The following AUTS2 variants were observed in gnomAD, a reference collection of about 807,000 sequenced individuals.
AUTS2 encodes the protein activator of transcription and developmental regulator AUTS2, also known as autism susceptibility gene 2 protein.
Under a neutral mutation model 112.4 loss-of-function variants are expected in AUTS2, and 17 were observed. That is an observed-to-expected ratio of 0.15 (90% CI 0.10 to 0.23). AUTS2 has a LOEUF of 0.23. Among genes scored for constraint, AUTS2 ranks in the 10% least tolerant of loss-of-function variants. The pLI, the probability that AUTS2 is intolerant of heterozygous loss-of-function variation, is 1.00. For synonymous variants in AUTS2, 751 were observed against 702.7 expected, an observed-to-expected ratio of 1.07 and a Z score of -1.09; for missense variants, 1,510 against 1,701.6, an observed-to-expected ratio of 0.89 and a Z score of 1.98.
Position 70,591,861 on chromosome 7 carries a change from G to A in AUTS2, c.691-106708G>A, listed in dbSNP as rs574085433. ...CCCATTCCTCAATTTGGCTGGTACTGCAGTTGGCACGGCTCTCCAAACTCT... is the reference window on the plus strand; with the variant it reads ...CCCATTCCTCAATTTGGCTGGTACTACAGTTGGCACGGCTCTCCAAACTCT... On this transcript the variant is annotated intron_variant, in intron 5 of 18. Transcript: ENST00000342771. 1.4e-4 allele frequency among the ~76,000 whole-genome samples: 21 copies of A among 152,316 alleles called. No individual in the cohort carries two copies. In the South Asian group the frequency reaches 4.1e-3, roughly 30 times the overall value.
chr7:70,785,857 G>C, intron 16 of AUTS2, 98 bp from the exon 17 acceptor site: 1 of 1,124,384 alleles, frequency 8.9e-7, no homozygotes, highest in Non-Finnish European at 1.3e-6. Context: ...GGGGCGTAGA[G>C]AGGGCAGGGA....
intron 5 of AUTS2, among the ~76,000 whole-genome samples, chr7:70,496,130 A>G (rs1312624497): frequency 9.5e-4 from 104 of 109,060 alleles, no homozygotes; most frequent in South Asian, 2.1e-3. Context: ...TCACATCAGC[A>G]TCGATCACAC....
intron 5 of AUTS2, among the ~76,000 whole-genome samples, chr7:70,488,030 G>A (rs566880959): frequency 2.2e-4 from 33 of 152,310 alleles, no homozygotes; most frequent in East Asian, 7.7e-4. Flanking sequence ...TGCTCAGAAC[G>A]GAGCCGAGTC....
At chr7:70,663,499 C>A (rs1807180557) in intron 5 of AUTS2, among the ~76,000 whole-genome samples, 1 of 152,094 alleles carries the variant, frequency 6.6e-6, no homozygotes, top group Non-Finnish European at 1.5e-5. Context: ...GTCCATCCGA[C>A]AGTCTTATGG....
At chr7:70,149,418 T>C (rs1324004372) in intron 4 of AUTS2, among the ~76,000 whole-genome samples, 1 of 152,212 alleles carries the variant, frequency 6.6e-6, no homozygotes, top group East Asian at 1.9e-4. Flanking sequence ...CTTCTAGATA[T>C]GATGTCAACT....
At chr7:70,636,095 G>A (rs1037351461) in intron 5 of AUTS2, among the ~76,000 whole-genome samples, 14 of 152,206 alleles carry the variant, frequency 9.2e-5, no homozygotes, top group African/African-American at 2.9e-4. Context: ...CAGGTCTTCA[G>A]ACTCAAATTC....
chr7:70,547,769 T>A (rs1026156920), intron 5 of AUTS2, among the ~76,000 whole-genome samples: 1 of 152,216 alleles, frequency 6.6e-6, no homozygotes, highest in Non-Finnish European at 1.5e-5. Context: ...CTGTGAACAC[T>A]CACATACAGC....
At chr7:69,733,921 C>G (rs926950414) in intron 1 of AUTS2, among the ~76,000 whole-genome samples, 1 of 152,070 alleles carries the variant, frequency 6.6e-6, no homozygotes, top group Non-Finnish European at 1.5e-5. Flanking sequence ...TTAAAGTCAG[C>G]GTAGTTCTCC....
chr7:70,364,566 AAAATAAATAAATAAATAAAT>A (rs200011798), intron 4 of AUTS2, among the ~76,000 whole-genome samples: 5 of 138,084 alleles, frequency 3.6e-5, no homozygotes, highest in East Asian at 2.1e-4. Context: ...CTCTGTCTCA[AAAATAAATAAATAAATAAAT>A]AAATAAATAA....
At chr7:70,080,640 T>C (rs912730023) in intron 2 of AUTS2, among the ~76,000 whole-genome samples, 3 of 152,202 alleles carry the variant, frequency 2.0e-5, no homozygotes, top group African/African-American at 7.2e-5. Flanking sequence ...AAGGAGCTGG[T>C]TGTTAAGTAT....
chr7:69,746,085 G>C (rs545890843), intron 1 of AUTS2, among the ~76,000 whole-genome samples: 2 of 152,020 alleles, frequency 1.3e-5, no homozygotes, highest in South Asian at 4.2e-4. Flanking sequence ...ATGTTACCAA[G>C]GCTGATCTTG....
At chr7:69,960,793 T>A (rs535006710) in intron 2 of AUTS2, among the ~76,000 whole-genome samples, 141 of 152,262 alleles carry the variant, frequency 9.3e-4, no homozygotes, top group Non-Finnish European at 1.6e-3. Context: ...TCAGCTTCTG[T>A]ATTTTCTCCA....
chr7:70,288,509 T>C lies in AUTS2; in HGVS notation c.661-147243T>C, dbSNP rs188724643. Among the ~76,000 whole-genome samples, 144 of 152,330 alleles carry C rather than the reference T, an allele frequency of 9.5e-4. 1 individual carries two copies. The highest frequency in any genetic ancestry group is 2.0e-3 in the Admixed American group (30 of 15,306). ...TTCATTTACCCGCTCTATGCATTTT[T>C]TTCGTCTTCCTGGGTTTGGTCTGCC... On this transcript the variant is annotated intron_variant, in intron 4 of 18. Transcript: ENST00000342771.
intron 2 of AUTS2, among the ~76,000 whole-genome samples, chr7:69,950,216 G>A (rs1242852699): frequency 6.6e-6 from 1 of 151,946 alleles, no homozygotes; most frequent in Non-Finnish European, 1.5e-5. Context: ...TAAAAACGTA[G>A]CACAAAGTTT....
At chr7:70,706,562 T>C (rs946605283) in intron 6 of AUTS2, among the ~76,000 whole-genome samples, 1 of 152,240 alleles carries the variant, frequency 6.6e-6, no homozygotes, top group African/African-American at 2.4e-5. Flanking sequence ...ACTGTGTTAA[T>C]GCAAATGGGA....
intron 4 of AUTS2, among the ~76,000 whole-genome samples, chr7:70,300,879 A>G (rs1036116876): frequency 6.6e-6 from 1 of 152,230 alleles, no homozygotes; most frequent in Non-Finnish European, 1.5e-5. Context: ...ATGGTAAAGG[A>G]TATTGCATAG....
intron 1 of AUTS2, among the ~76,000 whole-genome samples, chr7:69,867,694 C>T (rs1033863988): frequency 2.0e-5 from 3 of 152,116 alleles, no homozygotes; most frequent in Admixed American, 2.0e-4. Context: ...GTTCATCTAA[C>T]TTAAGAGTGC....
chr7:69,756,998 G>A (rs1787971037), intron 1 of AUTS2, among the ~76,000 whole-genome samples: 1 of 152,144 alleles, frequency 6.6e-6, no homozygotes, highest in Non-Finnish European at 1.5e-5. Flanking sequence ...CTTTGCCACA[G>A]CACTCTGCAG....
At chr7:70,635,599 T>A (rs979138554) in intron 5 of AUTS2, among the ~76,000 whole-genome samples, 2 of 152,094 alleles carry the variant, frequency 1.3e-5, no homozygotes, top group African/African-American at 4.8e-5. Flanking sequence ...GCTGGGTTGT[T>A]CCCATCTCTA....
Sources: allele counts gnomAD v4.1 joint callset (sites outside exome capture counted in the v4.1 genomes callset), GRCh38; gene constraint gnomAD v4.1.1; transcripts MANE v1.5; gene names NCBI Gene and HGNC (gene_info 2026-07-23, HGNC 2026-07-21).